Variants in SMCHD1 observed in about 807,000 individuals in gnomAD.
SMCHD1 encodes the protein structural maintenance of chromosomes flexible hinge domain containing 1.
SMCHD1 carries 78 observed loss-of-function variants against 254.7 expected under a neutral mutation model. That is an observed-to-expected ratio of 0.31 (90% CI 0.26 to 0.37). The LOEUF is 0.37. Among genes scored for constraint, SMCHD1 ranks in the 10% least tolerant of loss-of-function variants. SMCHD1 has a pLI of 1.00. For synonymous variants in SMCHD1, 766 were observed against 794.9 expected (o/e 0.96, Z 0.61); for missense variants, 1,840 against 2,408.1 (o/e 0.76, Z 4.94).
chr18:2,710,704 A>G (rs1002300147), intron 17 of SMCHD1, among the ~76,000 whole-genome samples: 21 of 152,168 alleles, frequency 1.4e-4, no homozygotes, highest in African/African-American at 7.2e-5. Context: ...TTAAAATACT[A>G]TGTTGAATAG....
At chr18:2,776,649 A>G (rs1279998044) in intron 42 of SMCHD1, among the ~76,000 whole-genome samples, 1 of 152,202 alleles carries the variant, frequency 6.6e-6, no homozygotes, top group Non-Finnish European at 1.5e-5. Flanking sequence ...ATTACTAAAC[A>G]AAGCTTTTCA....
At chr18:2,767,533 C>G (rs528533216) in intron 37 of SMCHD1, among the ~76,000 whole-genome samples, 1 of 150,152 alleles carries the variant, frequency 6.7e-6, no homozygotes, top group African/African-American at 2.4e-5. Context: ...ATACTTAAAC[C>G]TAGGTGATAT....
chr18:2,746,408 G>A (rs1421454878), intron 29 of SMCHD1, among the ~76,000 whole-genome samples: 1 of 152,140 alleles, frequency 6.6e-6, no homozygotes, highest in Non-Finnish European at 1.5e-5. Flanking sequence ...TCCTTTAAAG[G>A]TAGTTTGGGT....
At chr18:2,733,224 T>G (rs2075176971) in intron 25 of SMCHD1, among the ~76,000 whole-genome samples, 1 of 152,214 alleles carries the variant, frequency 6.6e-6, no homozygotes, top group African/African-American at 2.4e-5. Flanking sequence ...AGAATCACTC[T>G]GCTGTGCAAA....
At chr18:2,769,899 T>G in intron 38 of SMCHD1, 79 bp downstream of exon 38, 1 of 1,539,610 alleles carries the variant, frequency 6.5e-7, no homozygotes, top group Non-Finnish European at 8.8e-7. Flanking sequence ...TCCATTAACT[T>G]GGTGTTTATT....
intron 36 of SMCHD1, among the ~76,000 whole-genome samples, 180 bp from the exon 37 acceptor site, chr18:2,763,457 G>A (rs1444272672): frequency 6.6e-6 from 1 of 152,148 alleles, no homozygotes. Flanking sequence ...TATGGTTTCT[G>A]GAACTATTTC....
At chr18:2,668,696 A>C (rs1479311659) in intron 3 of SMCHD1, among the ~76,000 whole-genome samples, 1 of 152,126 alleles carries the variant, frequency 6.6e-6, no homozygotes, top group Non-Finnish European at 1.5e-5. Flanking sequence ...CGCTATTAGC[A>C]GTCCTTCTCT....
intron 44 of SMCHD1, among the ~76,000 whole-genome samples, chr18:2,783,080 A>T (rs568555015): frequency 1.3e-5 from 2 of 152,296 alleles, no homozygotes; most frequent in Admixed American, 1.3e-4. Context: ...ACGTTTTTAT[A>T]CTTGTTAAAA....
intron 23 of SMCHD1, among the ~76,000 whole-genome samples, chr18:2,729,061 GT>G (rs371189838): frequency 8.0e-4 from 122 of 152,058 alleles, no homozygotes; most frequent in African/African-American, 2.8e-3. Context: ...GAGGAAGTTA[GT>G]TCTTTCCTTC....
chr18:2,686,369 A>C (rs2074052409), intron 5 of SMCHD1, among the ~76,000 whole-genome samples: 1 of 152,228 alleles, frequency 6.6e-6, no homozygotes, highest in South Asian at 2.1e-4. Flanking sequence ...AAAATTGGAA[A>C]AGAAATCAGA....
At chr18:2,769,612 C>A in intron 37 of SMCHD1, 82 bp from the exon 38 acceptor site, 1 of 1,424,210 alleles carries the variant, frequency 7.0e-7, no homozygotes, top group Non-Finnish European at 9.6e-7. Context: ...TTGAAAACAG[C>A]ATAATGAGTT....
Position 2,692,705 on chromosome 18 carries a change from A to G in SMCHD1, c.874-1822A>G, listed in dbSNP as rs774868937. ...TCATTTGTCTGGAATGTTATTATTC[A>G]GTCATCTGCTGGGTGACTGTCACCC... On this transcript the variant is annotated intron_variant, in intron 7 of 47. Transcript: ENST00000320876. Among the ~76,000 whole-genome samples, 8 of 152,288 alleles carry G rather than the reference A, an allele frequency of 5.3e-5. No homozygotes were observed. In the South Asian group the frequency reaches 1.5e-3, roughly 28 times the overall value.
chr18:2,705,871 G>C, intron 14 of SMCHD1, 64 bp downstream of exon 14: 1 of 991,890 alleles, frequency 1.0e-6, no homozygotes, highest in Non-Finnish European at 1.5e-6. Context: ...TAATTGTTAA[G>C]ATACAGTATA....
intron 9 of SMCHD1, 90 bp downstream of exon 9, chr18:2,697,212 A>G (rs2074303214): frequency 1.8e-6 from 1 of 559,522 alleles, no homozygotes; most frequent in Admixed American, 3.8e-5. Context: ...ACACTTGATA[A>G]TTAGACAACT....
At chr18:2,784,707 TG>T (rs2076211127) in intron 45 of SMCHD1, 86 bp downstream of exon 45, 1 of 1,370,180 alleles carries the variant, frequency 7.3e-7, no homozygotes, top group Non-Finnish European at 9.9e-7. Context: ...GAATCTAACA[TG>T]AAAAATTAAC....
Position 2,745,573 on chromosome 18 carries a change from C to T in SMCHD1, c.3801+1645C>T, listed in dbSNP as rs1183729352. Among the ~76,000 whole-genome samples, 5 of 152,046 alleles carry T rather than the reference C, an allele frequency of 3.3e-5. No individual in the cohort carries two copies. The East Asian group carries it at 7.7e-4, about 23-fold the overall frequency. On this transcript the variant is annotated intron_variant, in intron 29 of 47. Coordinates refer to ENST00000320876, the MANE Select transcript of SMCHD1 (RefSeq NM_015295.3). ...CAGTGCATTTTTTTTTCTGGGAGCA[C>T]TTACAAAACATAAATTAACCCACTT...
chr18:2,775,703 TA>T, intron 41 of SMCHD1, 30 bp from the exon 42 acceptor site: 2 of 1,570,142 alleles, frequency 1.3e-6, no homozygotes, highest in Non-Finnish European at 8.6e-7. Context: ...ATGGATTTTA[TA>T]TTTTTTTACT....
chr18:2,675,346 C>T (rs551190250), intron 5 of SMCHD1, among the ~76,000 whole-genome samples: 1 of 148,350 alleles, frequency 6.7e-6, no homozygotes, highest in South Asian at 2.1e-4. Flanking sequence ...CTCACTGCAA[C>T]CTCTGCCTCC....
chr18:2,689,382 T>C (rs1405172871), intron 7 of SMCHD1, among the ~76,000 whole-genome samples: 1 of 151,866 alleles, frequency 6.6e-6, no homozygotes, highest in Non-Finnish European at 1.5e-5. Context: ...CATGCCCTGC[T>C]AATTTTTTTT....
Sources: gnomAD v4.1 joint callset for allele counts (sites outside exome capture counted in the v4.1 genomes callset) on GRCh38, gnomAD v4.1.1 for gene constraint, MANE v1.5 for transcripts, NCBI Gene and HGNC (gene_info 2026-07-23, HGNC 2026-07-21) for gene names.